Variants in NRG1 observed in about 807,000 individuals in gnomAD.
NRG1 encodes pro-neuregulin-1, membrane-bound isoform.
In NRG1, 18 loss-of-function variants were observed where a neutral mutation model predicts 63.8. The observed-to-expected ratio is 0.28, with a 90% confidence interval of 0.19 to 0.42. NRG1 has a LOEUF of 0.42. NRG1 is among the 10% of genes least tolerant of loss of function. NRG1 has a pLI of 1.00. For synonymous variants in NRG1, 302 were observed against 301.3 expected (o/e 1.00, Z -0.02); for missense variants, 762 against 814.7 (o/e 0.94, Z 0.79).
intron 1 of NRG1, among the ~76,000 whole-genome samples, chr8:32,517,342 A>C (rs1199979704): frequency 6.6e-6 from 1 of 152,108 alleles, no homozygotes; most frequent in Non-Finnish European, 1.5e-5. Context: ...TTTATTTTGT[A>C]ATAAAGATTA....
intron 5 of NRG1, among the ~76,000 whole-genome samples, chr8:32,635,317 C>A (rs1851122827): frequency 6.6e-6 from 1 of 152,172 alleles, no homozygotes; most frequent in South Asian, 2.1e-4. Context: ...CAGATTAGGT[C>A]TTTGGAAATG....
chr8:32,439,448 G>A (rs1819225401), intron 1 of NRG1, among the ~76,000 whole-genome samples: 1 of 152,044 alleles, frequency 6.6e-6, no homozygotes, highest in South Asian at 2.1e-4. Flanking sequence ...GAAAAAGAAA[G>A]ATAAGGCTTT....
intron 1 of NRG1, among the ~76,000 whole-genome samples, chr8:32,008,237 T>C (rs535863378): frequency 2.7e-4 from 41 of 151,954 alleles, no homozygotes; most frequent in Non-Finnish European, 5.7e-4. Flanking sequence ...TCCCAGAGTG[T>C]CGATTGCATG....
intron 1 of NRG1, among the ~76,000 whole-genome samples, chr8:31,677,679 C>T (rs1309430287): frequency 4.6e-5 from 7 of 152,142 alleles, no homozygotes; most frequent in East Asian, 1.9e-4. Flanking sequence ...TTTTCAGACT[C>T]GCGGCAGCCA....
chr8:31,974,130 GCAAAA>G (rs982811659), intron 1 of NRG1, among the ~76,000 whole-genome samples: 5 of 152,044 alleles, frequency 3.3e-5, no homozygotes, highest in Admixed American at 1.3e-4. Flanking sequence ...ATGTTCATAG[GCAAAA>G]CAAAACAAAA....
In NRG1 at chr8:32,526,857, T is replaced by C. The variant is rs558580640; in HGVS notation, c.38-68971T>C. Among the ~76,000 whole-genome samples the C allele has an allele frequency of 5.9e-5, 9 of 152,328 alleles. No individual in the cohort carries two copies. In the South Asian group the frequency reaches 1.9e-3, roughly 32 times the overall value. On this transcript the variant is annotated intron_variant, in intron 1 of 10. Coordinates refer to the NRG1 transcript ENST00000519301. ...GACTCACAGGCTCCTTTGTTCATTC[T>C]CATTTTTCTTCCTTTTGGAGGGCTA...
chr8:32,481,968 G>T (rs947290081), intron 1 of NRG1, among the ~76,000 whole-genome samples: 4 of 152,084 alleles, frequency 2.6e-5, no homozygotes, highest in Non-Finnish European at 4.4e-5. Context: ...AAATACCCTG[G>T]CCTCCAACTA....
At chr8:32,422,763 G>A (rs1816851393) in intron 1 of NRG1, among the ~76,000 whole-genome samples, 1 of 152,234 alleles carries the variant, frequency 6.6e-6, no homozygotes, top group Non-Finnish European at 1.5e-5. Context: ...AGAATGGAAT[G>A]TCTAATGGTT....
At chr8:32,268,936 A>G (rs1345173031) in intron 1 of NRG1, among the ~76,000 whole-genome samples, 1 of 152,184 alleles carries the variant, frequency 6.6e-6, no homozygotes, top group African/African-American at 2.4e-5. Context: ...TACATTACCC[A>G]TTTAGTGAAA....
At chr8:32,655,963 T>C (rs761023422) in intron 5 of NRG1, among the ~76,000 whole-genome samples, 79 of 152,176 alleles carry the variant, frequency 5.2e-4, no homozygotes, top group Non-Finnish European at 1.9e-4. Flanking sequence ...TTCACCTTAC[T>C]CTTTTTATTG....
At chr8:31,766,665 T>G (rs1234296707) in intron 1 of NRG1, among the ~76,000 whole-genome samples, 3 of 152,194 alleles carry the variant, frequency 2.0e-5, no homozygotes, top group Non-Finnish European at 4.4e-5. Flanking sequence ...GATGTTTTAA[T>G]TTTTGATTTG....
At chr8:32,239,945 T>A (rs1847940477) in intron 1 of NRG1, among the ~76,000 whole-genome samples, 1 of 152,202 alleles carries the variant, frequency 6.6e-6, no homozygotes. Flanking sequence ...GGATCACTCA[T>A]ACATTGTTGA....
intron 1 of NRG1, among the ~76,000 whole-genome samples, chr8:32,413,233 A>G (rs924978145): frequency 6.6e-6 from 1 of 152,230 alleles, no homozygotes; most frequent in Non-Finnish European, 1.5e-5. Flanking sequence ...ATAATAGGCG[A>G]TTGGTTAAAT....
chr8:31,872,685 C>T (rs1325111688), intron 1 of NRG1, among the ~76,000 whole-genome samples: 1 of 152,142 alleles, frequency 6.6e-6, no homozygotes, highest in East Asian at 1.9e-4. Context: ...TCAATTTATT[C>T]AGTCTTCTGA....
chr8:32,141,566 T>C (rs1414163548), intron 1 of NRG1, among the ~76,000 whole-genome samples: 1 of 138,698 alleles, frequency 7.2e-6, no homozygotes, highest in Non-Finnish European at 1.5e-5. Context: ...TTTATATATG[T>C]ATATATACAT....
chr8:31,646,812 TTCTCA>T (rs1804332518), intron 1 of NRG1, among the ~76,000 whole-genome samples: 1 of 152,252 alleles, frequency 6.6e-6, no homozygotes, highest in East Asian at 1.9e-4. Context: ...TTTTTTTCTC[TTCTCA>T]TCTCTGATAT....
At chr8:32,507,975 G>A (rs1186107721) in intron 1 of NRG1, among the ~76,000 whole-genome samples, 1 of 152,196 alleles carries the variant, frequency 6.6e-6, no homozygotes, top group Non-Finnish European at 1.5e-5. Flanking sequence ...TGGGATTACA[G>A]GCATGAGCCA....
At chr8:31,774,299 C>T (rs1009987628) in intron 1 of NRG1, among the ~76,000 whole-genome samples, 2 of 152,152 alleles carry the variant, frequency 1.3e-5, no homozygotes, top group African/African-American at 4.8e-5. Flanking sequence ...TCATTCTTTC[C>T]TTATTCTCTA....
chr8:32,036,455 C>T (rs1819076829), intron 1 of NRG1, among the ~76,000 whole-genome samples: 1 of 152,048 alleles, frequency 6.6e-6, no homozygotes, highest in African/African-American at 2.4e-5. Context: ...CTCTGGATTT[C>T]CTGAGTTTAA....
Sources: gnomAD v4.1 joint callset for allele counts (sites outside exome capture counted in the v4.1 genomes callset) on GRCh38, gnomAD v4.1.1 for gene constraint, MANE v1.5 for transcripts, NCBI Gene and HGNC (gene_info 2026-07-23, HGNC 2026-07-21) for gene names.